The following SCARA5 variants were observed in gnomAD, a reference collection of about 807,000 sequenced individuals.
SCARA5 encodes scavenger receptor class A, member 5 (putative).
A neutral mutation model predicts 46.3 loss-of-function variants in SCARA5; 45 were observed. The ratio of observed to expected loss-of-function variants is 0.97; its 90% CI spans 0.76 to 1.24. The LOEUF (loss-of-function observed/expected upper bound fraction) is 1.24, where lower values mean the gene tolerates loss of function less well. SCARA5 is among the 50% of genes most tolerant of loss of function. The pLI is 0.00. For missense variants in SCARA5, 680 were observed against 689.0 expected (o/e 0.99, Z 0.15); for synonymous variants, 333 against 306.5 (o/e 1.09, Z -0.90).
intron 3 of SCARA5, among the ~76,000 whole-genome samples, chr8:27,924,338 T>C (rs184691207): frequency 1.7e-4 from 26 of 152,276 alleles, no homozygotes; most frequent in Admixed American, 6.5e-4. Context: ...GAACTTCACA[T>C]TGAGAAGGAG....
intron 7 of SCARA5, among the ~76,000 whole-genome samples, chr8:27,904,104 C>T (rs1807209850): frequency 6.6e-6 from 1 of 152,166 alleles, no homozygotes; most frequent in Non-Finnish European, 1.5e-5. Context: ...AACATTCTAG[C>T]AAGGACCGCA....
chr8:27,882,511 G>A (rs1366874050), intron 7 of SCARA5, among the ~76,000 whole-genome samples: 1 of 152,206 alleles, frequency 6.6e-6, no homozygotes, highest in Non-Finnish European at 1.5e-5. Flanking sequence ...AGCCAAGGAT[G>A]GTTAAGACTT....
chr8:27,955,719 C>A (rs777911346), intron 3 of SCARA5, among the ~76,000 whole-genome samples: 1 of 152,216 alleles, frequency 6.6e-6, no homozygotes, highest in Non-Finnish European at 1.5e-5. Flanking sequence ...TGGGTGCTTC[C>A]ACCAAGTATT....
At chr8:27,929,563 G>A (rs1807735197) in intron 3 of SCARA5, among the ~76,000 whole-genome samples, 1 of 152,188 alleles carries the variant, frequency 6.6e-6, no homozygotes, top group South Asian at 2.1e-4. Flanking sequence ...AGGTAGGGGA[G>A]CAAGTATGCT....
chr8:27,968,708 T>C (rs564106321), intron 2 of SCARA5, among the ~76,000 whole-genome samples: 3 of 152,324 alleles, frequency 2.0e-5, no homozygotes, highest in African/African-American at 7.2e-5. Flanking sequence ...CTTAGCCTCA[T>C]GACAGAATAG....
At chr8:27,901,599 C>T (rs974833567) in intron 7 of SCARA5, among the ~76,000 whole-genome samples, 10 of 152,074 alleles carry the variant, frequency 6.6e-5, no homozygotes, top group Non-Finnish European at 4.4e-5. Flanking sequence ...ACTGGAATTC[C>T]CTGGAAACAT....
chr8:27,941,972 G>A (rs1024318589), intron 3 of SCARA5, among the ~76,000 whole-genome samples: 9 of 151,736 alleles, frequency 5.9e-5, no homozygotes, highest in African/African-American at 1.5e-4. Flanking sequence ...GATTACAGGC[G>A]TGCACCTTCA....
intron 1 of SCARA5, among the ~76,000 whole-genome samples, chr8:27,990,693 A>G (rs1585532512): frequency 6.6e-6 from 1 of 152,174 alleles, no homozygotes; most frequent in East Asian, 1.9e-4. Flanking sequence ...CAGGCAGAGA[A>G]GAGAATCCCA....
At chr8:27,948,054 G>A (rs769947528) in intron 3 of SCARA5, among the ~76,000 whole-genome samples, 2 of 152,132 alleles carry the variant, frequency 1.3e-5, no homozygotes, top group African/African-American at 4.8e-5. Flanking sequence ...GGGTGGTGGC[G>A]ATGGTTGCAC....
intron 2 of SCARA5, among the ~76,000 whole-genome samples, chr8:27,976,828 G>A (rs1808531314): frequency 6.6e-6 from 1 of 152,228 alleles, no homozygotes; most frequent in Admixed American, 6.5e-5. Flanking sequence ...TGGGGATGAG[G>A]CGCCCTAGGA....
intron 6 of SCARA5, 43 bp downstream of exon 6, chr8:27,907,105 G>C (rs1807275227): frequency 2.8e-6 from 4 of 1,449,278 alleles, no homozygotes; most frequent in Non-Finnish European, 2.9e-6. Context: ...TGTGCTGCCT[G>C]GGACTGGTGG....
At chr8:27,875,540 A>G (rs780559713) in intron 8 of SCARA5, among the ~76,000 whole-genome samples, 15 of 152,122 alleles carry the variant, frequency 9.9e-5, no homozygotes, top group Admixed American at 2.6e-4. Flanking sequence ...CTGAAGAGGG[A>G]GGGAAAAGCC....
At chr8:27,983,640 C>T (rs917703570) in intron 2 of SCARA5, among the ~76,000 whole-genome samples, 8 of 152,166 alleles carry the variant, frequency 5.3e-5, no homozygotes, top group African/African-American at 9.7e-5. Context: ...TACAAGGTCC[C>T]GAAAGAATTC....
intron 3 of SCARA5, among the ~76,000 whole-genome samples, chr8:27,958,766 C>G (rs1808244065): frequency 6.6e-6 from 1 of 152,190 alleles, no homozygotes; most frequent in Non-Finnish European, 1.5e-5. Flanking sequence ...AGCAACAAGA[C>G]CAACAAAGCC....
chr8:27,936,592 T>TAAAAACAAAAAAAAAAAAAAAA (rs1807861122), intron 3 of SCARA5, among the ~76,000 whole-genome samples: 1 of 31,314 alleles, frequency 3.2e-5, no homozygotes, highest in East Asian at 1.7e-3. Flanking sequence ...GTGTCTCCAT[T>TAAAAACAAAAAAAAAAAAAAAA]AAAAAAAAAA....
rs956390388 is a variant in SCARA5 at position 27,870,484 on chromosome 8, T to G, written c.*1450A>C. On this transcript the variant is annotated 3_prime_UTR_variant, in exon 9 of 9. Coordinates refer to ENST00000354914, the MANE Select transcript of SCARA5 (RefSeq NM_173833.6). Reference sequence around the variant, plus strand: ...CCAGGAGTGTTGCTGTTCCTACACCTGGAGGGGCCCAGGTCTCTCCCCAAG... The same window carrying G: ...CCAGGAGTGTTGCTGTTCCTACACCGGGAGGGGCCCAGGTCTCTCCCCAAG... The G allele has an allele frequency of 5.9e-5, 9 of 152,222 alleles. No homozygotes were observed. The highest frequency in any genetic ancestry group is 1.9e-4 in the African/African-American group (8 of 41,198). The allele number at this position is 152,222 out of a possible 1,614,324, so 9.4% of individuals were successfully genotyped here. A position where few individuals can be genotyped will look rare whatever the true frequency, so the allele number is the denominator to read the frequency against.
At chr8:27,950,039 C>T (rs144450542) in intron 3 of SCARA5, among the ~76,000 whole-genome samples, 2 of 152,248 alleles carry the variant, frequency 1.3e-5, no homozygotes, top group Non-Finnish European at 2.9e-5. Context: ...GCCAGCCCAC[C>T]GTGGCTCCTT....
chr8:27,943,711 A>G (rs572508458), intron 3 of SCARA5, among the ~76,000 whole-genome samples: 1 of 152,204 alleles, frequency 6.6e-6, no homozygotes, highest in Non-Finnish European at 1.5e-5. Context: ...CTTACATTGC[A>G]GCGGTCAGAG....
rs911339387 is a variant in SCARA5 at position 27,917,051 on chromosome 8, C to A, written c.916+4520G>T. Among the ~76,000 whole-genome samples, 11 of 152,236 alleles carry A rather than the reference C, an allele frequency of 7.2e-5. No homozygotes were observed. The South Asian group carries it at 1.7e-3, about 23-fold the overall frequency. On this transcript the variant is annotated intron_variant, in intron 4 of 8. Transcript: ENST00000354914. ...CCAACTATCAACCAGAAAGCTGGTC[C>A]CGAACAGGGCCCAACTCTGCTGGCC...
Sources: gnomAD v4.1 joint callset for allele counts (sites outside exome capture counted in the v4.1 genomes callset) on GRCh38, gnomAD v4.1.1 for gene constraint, MANE v1.5 for transcripts, NCBI Gene and HGNC (gene_info 2026-07-23, HGNC 2026-07-21) for gene names.